TASP1: variants seen among roughly 807,000 people sequenced by gnomAD.
TASP1 encodes threonine aspartase 1.
Under a neutral mutation model 56.6 loss-of-function variants are expected in TASP1, and 16 were observed. The observed-to-expected ratio is 0.28, with a 90% confidence interval of 0.19 to 0.43. TASP1 has a LOEUF of 0.43. Among genes scored for constraint, TASP1 ranks in the 20% least tolerant of loss-of-function variants. The pLI is 1.00. For synonymous variants in TASP1, 179 were observed against 184.2 expected (o/e 0.97, Z 0.23); for missense variants, 393 against 511.6 (o/e 0.77, Z 2.24).
chr20:13,567,706 G>A (rs143381626), intron 7 of TASP1, among the ~76,000 whole-genome samples: 56 of 152,220 alleles, frequency 3.7e-4, no homozygotes, highest in Middle Eastern at 3.4e-3. Context: ...CAGATGATAA[G>A]AGAACAATTT....
chr20:13,129,302 T>TA, the TASP1 span, among the ~76,000 whole-genome samples: 1 of 152,194 alleles, frequency 6.6e-6, no homozygotes, highest in Admixed American at 6.5e-5. Context: ...GTGCCTGTCT[T>TA]AAACAGGTAT....
chr20:13,155,171 G>A, the TASP1 span, among the ~76,000 whole-genome samples: 1 of 151,464 alleles, frequency 6.6e-6, no homozygotes, highest in East Asian at 1.9e-4. Context: ...CTGGGTGACA[G>A]AATGAGACCC....
chr20:13,299,525 GC>G, the TASP1 span: 1 of 1,402,124 alleles, frequency 7.1e-7, no homozygotes, highest in South Asian at 1.3e-5. This position sits in a 1 kb window ranked among gnomAD's most constrained non-coding sequence, Gnocchi z 5.8. Flanking sequence ...GCACTGACGT[GC>G]CGACTGGCGC....
intron 4 of TASP1, among the ~76,000 whole-genome samples, chr20:13,603,687 T>A (rs1402497109): frequency 1.3e-5 from 2 of 152,144 alleles, no homozygotes; most frequent in Non-Finnish European, 1.5e-5. Flanking sequence ...CAATCCAAAG[T>A]TTTTAAGGGG....
At chr20:13,528,714 T>A (rs2045091702) in intron 9 of TASP1, among the ~76,000 whole-genome samples, 1 of 152,206 alleles carries the variant, frequency 6.6e-6, no homozygotes, top group African/African-American at 2.4e-5. Flanking sequence ...TCCATTAATC[T>A]TAAAACTTTC....
rs541354336 is a variant in TASP1, at chr20:13,536,639, C to T, written c.676-2498G>A. Among the ~76,000 whole-genome samples the T allele has an allele frequency of 5.4e-3, 818 of 152,116 alleles. 8 individuals are homozygous for T. Among genetic ancestry groups the T allele is most frequent in the African/African-American group, 0.019 (782 of 41,524 alleles). ...TATGCCAGTACTTTTTGCCCTTATTCTTTGCTATAAAATTCTGGAAATTTT... is the reference window on the plus strand; with the variant it reads ...TATGCCAGTACTTTTTGCCCTTATTTTTTGCTATAAAATTCTGGAAATTTT... On this transcript the variant is annotated intron_variant, in intron 8 of 13. Transcript: ENST00000337743.
chr20:13,434,125 G>A (rs1182963500), intron 12 of TASP1, among the ~76,000 whole-genome samples: 1 of 152,074 alleles, frequency 6.6e-6, no homozygotes, highest in African/African-American at 2.4e-5. Flanking sequence ...GGGGACTTCT[G>A]GGGTTGTGGC....
chr20:13,451,979 A>G (rs187115882), intron 11 of TASP1, among the ~76,000 whole-genome samples: 27 of 152,232 alleles, frequency 1.8e-4, no homozygotes, highest in Non-Finnish European at 3.4e-4. Context: ...AAGGAGGCCA[A>G]GGACAGCAAG....
the TASP1 span, among the ~76,000 whole-genome samples, chr20:13,133,770 C>T: frequency 2.6e-5 from 4 of 152,214 alleles, no homozygotes; most frequent in Middle Eastern, 3.4e-3. Flanking sequence ...GGGGAACTTA[C>T]GTACAGGGAT....
chr20:13,277,247 C>T, the TASP1 span, among the ~76,000 whole-genome samples: 9 of 152,186 alleles, frequency 5.9e-5, 1 homozygote, highest in Non-Finnish European at 1.2e-4. Flanking sequence ...ATCCCTTTGA[C>T]TCCAGTCTGA....
chr20:13,192,735 T>G, the TASP1 span, among the ~76,000 whole-genome samples: 3 of 151,892 alleles, frequency 2.0e-5, 1 homozygote, highest in Non-Finnish European at 4.4e-5. Context: ...GTTTTTGTTT[T>G]TTTTTTTTGT....
At chr20:13,180,205 G>A in the TASP1 span, among the ~76,000 whole-genome samples, 1 of 152,130 alleles carries the variant, frequency 6.6e-6, no homozygotes, top group African/African-American at 2.4e-5. Context: ...TATTGCAAAA[G>A]CAATTACATA....
the TASP1 span, among the ~76,000 whole-genome samples, chr20:13,119,915 G>C: frequency 5.9e-5 from 9 of 152,232 alleles, no homozygotes; most frequent in Admixed American, 2.0e-4. Context: ...GTCAGACTGT[G>C]ATAAACCTGG....
intron 8 of TASP1, among the ~76,000 whole-genome samples, chr20:13,535,734 G>A (rs1237566606): frequency 3.9e-5 from 6 of 152,232 alleles, no homozygotes; most frequent in African/African-American, 7.2e-5. Context: ...TGTATCCCTG[G>A]TGGTACAAAA....
At chr20:13,257,420 G>T in the TASP1 span, among the ~76,000 whole-genome samples, 1 of 152,164 alleles carries the variant, frequency 6.6e-6, no homozygotes, top group African/African-American at 2.4e-5. Context: ...GGGAGGCTGA[G>T]GTGGGAGAAT....
chr20:13,224,460 T>G, the TASP1 span, among the ~76,000 whole-genome samples: 13 of 152,358 alleles, frequency 8.5e-5, no homozygotes, highest in African/African-American at 2.9e-4. Context: ...CTGTATTCTT[T>G]CTTTTTACCA....
chr20:13,599,291 A>T (rs898793203), intron 4 of TASP1, among the ~76,000 whole-genome samples: 1 of 152,222 alleles, frequency 6.6e-6, no homozygotes, highest in African/African-American at 2.4e-5. Flanking sequence ...ACATCCATCA[A>T]TGATAGACTG....
the TASP1 span, among the ~76,000 whole-genome samples, chr20:13,107,747 G>A: frequency 6.7e-6 from 1 of 150,244 alleles, no homozygotes; most frequent in African/African-American, 2.5e-5. Context: ...TTTCTGGCTA[G>A]TGATTAAAGA....
chr20:13,415,167 C>T (rs902758660), intron 13 of TASP1, among the ~76,000 whole-genome samples: 7 of 152,104 alleles, frequency 4.6e-5, no homozygotes, highest in South Asian at 2.1e-4. Flanking sequence ...GAACATGTTT[C>T]GGAAACCAGT....
Sources: gnomAD v4.1 joint callset for allele counts (sites outside exome capture counted in the v4.1 genomes callset) on GRCh38, gnomAD v4.1.1 for gene constraint, Gnocchi (gnomAD v3.1) non-coding constraint, MANE v1.5 for transcripts, NCBI Gene and HGNC (gene_info 2026-07-23, HGNC 2026-07-21) for gene names.